Variants in ANHX observed in about 807,000 individuals in gnomAD.
ANHX encodes anomalous homeobox.
In ANHX, 20 loss-of-function variants were observed where a neutral mutation model predicts 38.9. The ratio of observed to expected loss-of-function variants is 0.51; its 90% CI spans 0.36 to 0.75. ANHX has a LOEUF of 0.75. Ranked by LOEUF, ANHX falls within the 30% of genes least tolerant of loss-of-function variation. The pLI, the probability that ANHX is intolerant of heterozygous loss-of-function variation, is 0.00. For synonymous variants in ANHX, 185 were observed against 203.1 expected, an observed-to-expected ratio of 0.91 and a Z score of 0.76; for missense variants, 475 against 493.1, an observed-to-expected ratio of 0.96 and a Z score of 0.35.
chr12:133,218,676 T>A lies in ANHX; in HGVS notation c.*209A>T. ...TGACTTCTGATCTCACGAACATTTC[T>A]CAAATGCTTTCTCTACTACAGGGAA... On this transcript the variant is annotated 3_prime_UTR_variant, in exon 10 of 10. Coordinates refer to ENST00000545940, the MANE Select transcript of ANHX (RefSeq NM_001372060.1). 1 of 426,182 alleles carries A rather than the reference T, an allele frequency of 2.3e-6. No individual in the cohort carries two copies. Among genetic ancestry groups the A allele is most frequent in the Non-Finnish European group, 4.2e-6 (1 of 240,800 alleles). The allele number at this position is 426,182 out of a possible 1,614,324, so 26.4% of individuals were successfully genotyped here. A position where few individuals can be genotyped will look rare whatever the true frequency, so the allele number is the denominator to read the frequency against.
intron 3 of ANHX, among the ~76,000 whole-genome samples, chr12:133,228,418 CT>C (rs1957221131): frequency 6.6e-6 from 1 of 152,190 alleles, no homozygotes; most frequent in African/African-American, 2.4e-5. Context: ...TCAGTGCTTT[CT>C]GTTCATCGCT....
intron 8 of ANHX, among the ~76,000 whole-genome samples, chr12:133,220,160 GAA>G (rs1439047899): frequency 1.3e-5 from 2 of 152,068 alleles, no homozygotes; most frequent in Non-Finnish European, 2.9e-5. Flanking sequence ...GTGTGGATGT[GAA>G]AGTCACACTG....
chr12:133,219,064 C>A (rs1235033105), intron 9 of ANHX, 93 bp from the exon 10 acceptor site: 25 of 1,221,120 alleles, frequency 2.0e-5, no homozygotes, highest in Non-Finnish European at 2.8e-5. Flanking sequence ...TGGGAAGACC[C>A]CCCGCAACCA....
At chr12:133,232,965 G>C (rs974327972) in intron 2 of ANHX, among the ~76,000 whole-genome samples, 1 of 149,354 alleles carries the variant, frequency 6.7e-6, no homozygotes, top group African/African-American at 2.6e-5. Context: ...CAGAAAAGGG[G>C]TAACGGGGGG....
chr12:133,222,714 G>C (rs1342986543), intron 7 of ANHX, among the ~76,000 whole-genome samples: 1 of 152,196 alleles, frequency 6.6e-6, no homozygotes, highest in Non-Finnish European at 1.5e-5. Flanking sequence ...TTCTGGCCCT[G>C]CATCAAGGAA....
chr12:133,230,290 G>T (rs1957250939), intron 3 of ANHX, among the ~76,000 whole-genome samples: 1 of 152,180 alleles, frequency 6.6e-6, no homozygotes, highest in African/African-American at 2.4e-5. Context: ...GCCCGTGGGG[G>T]GCTACAATCA....
intron 1 of ANHX, 194 bp from the exon 2 acceptor site, chr12:133,234,572 T>C (rs1344172800): frequency 1.6e-6 from 1 of 623,692 alleles, no homozygotes; most frequent in Non-Finnish European, 2.7e-6. Context: ...TTCCTTCTAA[T>C]CCCCCAAATA....
Position 133,234,036 on chromosome 12 carries a change from C to T in ANHX, c.249+72G>A, listed in dbSNP as rs762582937. 816 of 1,492,344 alleles carry T rather than the reference C, an allele frequency of 5.5e-4. 1 individual carries two copies. Among genetic ancestry groups the T allele is most frequent in the Middle Eastern group, 2.6e-3 (11 of 4,184 alleles). The allele number at this position is 1,492,344 out of a possible 1,614,324, so 92.4% of individuals were successfully genotyped here. A position where few individuals can be genotyped will look rare whatever the true frequency, so the allele number is the denominator to read the frequency against. ...TAACTCCTGGGTACTGCTGCAGTGC[C>T]GGAGATGGGTGGAGGCTGCCTAAAG... On this transcript the variant is annotated intron_variant, in intron 2 of 9. Coordinates refer to ENST00000545940, the MANE Select transcript of ANHX (RefSeq NM_001372060.1).
chr12:133,224,280 G>C (rs1467195941), intron 7 of ANHX, among the ~76,000 whole-genome samples: 1 of 143,050 alleles, frequency 7.0e-6, no homozygotes, highest in African/African-American at 3.0e-5. Flanking sequence ...AGCAGACAAT[G>C]TAAAAAGAAA....
At chr12:133,226,565 T>A in intron 5 of ANHX, 127 bp from the exon 6 acceptor site, 4 of 1,340,658 alleles carry the variant, frequency 3.0e-6, no homozygotes, top group Non-Finnish European at 3.9e-6. Flanking sequence ...ATGTTTTTGC[T>A]TCTTGTCCTG....
chr12:133,223,369 T>C (rs945368995), intron 7 of ANHX, among the ~76,000 whole-genome samples: 3 of 151,186 alleles, frequency 2.0e-5, no homozygotes, highest in African/African-American at 7.3e-5. Flanking sequence ...GCTGAAAACA[T>C]GGAAGCAGGA....
chr12:133,234,206 G>A lies in ANHX; in HGVS notation c.151C>T (p.Leu51Phe). Residue 51 changes from leucine (L) to phenylalanine (F), a missense_variant, in exon 2 of 10, where the codon CTC becomes TTC. By Grantham distance (22) the Leu-to-Phe change is conservative (BLOSUM62 0). Transcript: ENST00000545940. Reference protein sequence around the residue: ...PLVTAILDSQLRLHLLDNADV... With the variant: ...PLVTAILDSQFRLHLLDNADV... ...GCGTTGTCCAGGAGATGCAGGCGGA[G>A]CTGGCTGTCCAGAATGGCTGTGACC... 1 of 1,536,184 alleles carries A rather than the reference G, an allele frequency of 6.5e-7. No individual in the cohort carries two copies. Among genetic ancestry groups the A allele is most frequent in the Non-Finnish European group, 8.7e-7 (1 of 1,146,908 alleles).
chr12:133,225,951 G>C (rs1031913494), intron 6 of ANHX, among the ~76,000 whole-genome samples, 123 bp from the exon 7 acceptor site: 4 of 152,200 alleles, frequency 2.6e-5, no homozygotes, highest in African/African-American at 9.6e-5. Flanking sequence ...ATACTGGCTG[G>C]TATTAACTCA....
rs1201098708 is a variant in ANHX, at chr12:133,221,359, G to C, written c.1133-7C>G. On this transcript the variant is annotated splice_region_variant and splice_polypyrimidine_tract_variant and intron_variant, in intron 7 of 9. Coordinates refer to ENST00000545940, the MANE Select transcript of ANHX (RefSeq NM_001372060.1). The surrounding 1 kb of genome is among the most constrained non-coding windows in gnomAD (Gnocchi z 4.1). Reference sequence around the variant, plus strand: ...CTGGGGGGGCCAGAAAACCCTGCATGTAATGAGATTCCACGGCACACTGGC... The same window carrying C: ...CTGGGGGGGCCAGAAAACCCTGCATCTAATGAGATTCCACGGCACACTGGC... 1.3e-6 allele frequency: 2 copies of C among 1,533,462 alleles called. No individual in the cohort carries two copies. The highest frequency in any genetic ancestry group is 1.7e-6 in the Non-Finnish European group (2 of 1,145,490). 95.0% of individuals were successfully genotyped at this position (1,533,462 alleles called of 1,614,324 possible). A position where few individuals can be genotyped will look rare whatever the true frequency, so the allele number is the denominator to read the frequency against.
At chr12:133,228,289 CT>C (rs1333717913) in intron 3 of ANHX, among the ~76,000 whole-genome samples, 1 of 152,042 alleles carries the variant, frequency 6.6e-6, no homozygotes, top group African/African-American at 2.4e-5. Context: ...CGTGCACAGC[CT>C]TCCTCGTACT....
intron 8 of ANHX, among the ~76,000 whole-genome samples, chr12:133,220,279 C>T (rs182769446): frequency 1.6e-4 from 25 of 152,130 alleles, no homozygotes; most frequent in Admixed American, 3.3e-4. Flanking sequence ...GCCTTCAGAT[C>T]GGAACAGGGA....
intron 7 of ANHX, among the ~76,000 whole-genome samples, chr12:133,223,702 GC>G (rs1957146036): frequency 6.6e-6 from 1 of 151,716 alleles, no homozygotes; most frequent in Non-Finnish European, 1.5e-5. Context: ...TGCCTCAGCC[GC>G]CCAAAGTGCT....
chr12:133,219,476 C>T, intron 8 of ANHX, 109 bp from the exon 9 acceptor site: 1 of 711,150 alleles, frequency 1.4e-6, no homozygotes, highest in African/African-American at 1.8e-5. Flanking sequence ...TAGTACTTGA[C>T]ACTCATCAGA....
chr12:133,219,160 C>T (rs1396335994), intron 9 of ANHX, 123 bp downstream of exon 9: 4 of 1,063,572 alleles, frequency 3.8e-6, no homozygotes, highest in Non-Finnish European at 5.5e-6. Flanking sequence ...ATCATCTTTG[C>T]CCCTTGTTTA....
Sources: allele counts gnomAD v4.1 joint callset (sites outside exome capture counted in the v4.1 genomes callset), GRCh38; gene constraint gnomAD v4.1.1; non-coding constraint Gnocchi (gnomAD v3.1); transcripts MANE v1.5; gene names NCBI Gene and HGNC (gene_info 2026-07-23, HGNC 2026-07-21).